The following PKHD1L1 variants were observed in gnomAD, a reference collection of about 807,000 sequenced individuals.
The protein encoded by PKHD1L1 is PKHD1 like 1.
A neutral mutation model predicts 462.9 loss-of-function variants in PKHD1L1; 434 were observed. That is an observed-to-expected ratio of 0.94 (90% CI 0.87 to 1.02). The LOEUF (loss-of-function observed/expected upper bound fraction) is 1.02. Among genes scored for constraint, PKHD1L1 ranks in the 50% least tolerant of loss-of-function variants. PKHD1L1 has a pLI of 0.00. For synonymous variants in PKHD1L1, 1,781 were observed against 1,750.0 expected, an observed-to-expected ratio of 1.02 and a Z score of -0.44; for missense variants, 5,202 against 5,096.1, an observed-to-expected ratio of 1.02 and a Z score of -0.63.
At chr8:109,375,558 T>C (rs1811771719) in intron 2 of PKHD1L1, among the ~76,000 whole-genome samples, 1 of 152,190 alleles carries the variant, frequency 6.6e-6, no homozygotes, top group Non-Finnish European at 1.5e-5. Context: ...CTGTGTTCCT[T>C]TGGAGGAGGA....
rs188156991 is a variant in PKHD1L1, at chr8:109,483,825, C to T, written c.9576+720C>T. 6.6e-5 allele frequency among the ~76,000 whole-genome samples: 10 copies of T among 151,530 alleles called. No individual in the cohort carries two copies. In the East Asian group the frequency reaches 1.9e-3, roughly 29 times the overall value. On this transcript the variant is annotated intron_variant, in intron 57 of 77. Transcript: ENST00000378402. ...TTGAAAAGAAAACAAATTCTGACAC[C>T]CAGTGACATCCAAATACTGCCTGTG...
chr8:109,374,154 C>G (rs1005945206), intron 2 of PKHD1L1, among the ~76,000 whole-genome samples: 2 of 152,166 alleles, frequency 1.3e-5, no homozygotes, highest in African/African-American at 4.8e-5. Context: ...CTTTAGGTCT[C>G]TCAGGACTTG....
intron 54 of PKHD1L1, 96 bp from the exon 55 acceptor site, chr8:109,479,895 C>A: frequency 8.4e-7 from 1 of 1,193,554 alleles, no homozygotes. Context: ...ATGTCATAAA[C>A]ACTCAAAACT....
At chr8:109,494,856 AG>A (rs1483395815) in intron 63 of PKHD1L1, among the ~76,000 whole-genome samples, 1 of 151,932 alleles carries the variant, frequency 6.6e-6, no homozygotes, top group Non-Finnish European at 1.5e-5. Flanking sequence ...AGATCAAAAA[AG>A]TAAAATACAT....
chr8:109,485,213 G>A lies in PKHD1L1; in HGVS notation c.9706+40G>A, dbSNP rs539112331. 4.9e-6 allele frequency: 7 copies of A among 1,430,988 alleles called. No homozygotes were observed. The East Asian group carries it at 1.4e-4, about 29-fold the overall frequency. 88.6% of individuals were successfully genotyped at this position (1,430,988 alleles called of 1,614,324 possible). A position where few individuals can be genotyped will look rare whatever the true frequency, so the allele number is the denominator to read the frequency against. Reference sequence around the variant, plus strand: ...TTTAACCAAATAGATATATAATTGTGTTGAAAGATTCACATTTACTCTGTA... The same window carrying A: ...TTTAACCAAATAGATATATAATTGTATTGAAAGATTCACATTTACTCTGTA... On this transcript the variant is annotated intron_variant, in intron 58 of 77. Transcript: ENST00000378402.
At chr8:109,419,661 TAA>T (rs967583983) in intron 22 of PKHD1L1, among the ~76,000 whole-genome samples, 12 of 152,260 alleles carry the variant, frequency 7.9e-5, no homozygotes, top group African/African-American at 2.4e-4. Context: ...TCCATAGACT[TAA>T]GAGTGATAAT....
chr8:109,510,305 T>C (rs777684826), intron 70 of PKHD1L1, among the ~76,000 whole-genome samples: 14 of 152,180 alleles, frequency 9.2e-5, no homozygotes, highest in Non-Finnish European at 1.5e-5. Flanking sequence ...CAGAGCCTAT[T>C]GTTAACAAAT....
intron 71 of PKHD1L1, among the ~76,000 whole-genome samples, chr8:109,514,114 C>T (rs1350892702): frequency 6.6e-6 from 1 of 152,152 alleles, no homozygotes; most frequent in African/African-American, 2.4e-5. Context: ...CCCCACTGAG[C>T]TCCTTGCTGT....
chr8:109,518,432 G>A lies in PKHD1L1; in HGVS notation c.11955G>A (p.Arg3985=), dbSNP rs776662278. The A allele has an allele frequency of 6.2e-6, 10 of 1,612,044 alleles. No individual in the cohort carries two copies. The highest frequency in any genetic ancestry group is 7.6e-6 in the Non-Finnish European group (9 of 1,179,578). Residue 3985 remains arginine, a synonymous_variant, in exon 73 of 78, where the codon AGG becomes AGA. Transcript: ENST00000378402. Reference sequence around the variant, plus strand: ...AAATAAGAGGGAAGAGTCTGAGGAGGAAGAGATCCATGGGATTCATAATTG... The same window carrying A: ...AAATAAGAGGGAAGAGTCTGAGGAGAAAGAGATCCATGGGATTCATAATTG... The part of the protein sequence containing the change: ...ISKIRGKSLR[R]KRSMGFIIEI...
intron 45 of PKHD1L1, among the ~76,000 whole-genome samples, chr8:109,455,267 G>A (rs994657237): frequency 3.3e-4 from 50 of 152,368 alleles, no homozygotes; most frequent in African/African-American, 1.2e-3. Flanking sequence ...GAACCCAGGA[G>A]ATGGTGGCTG....
rs780444997 is a variant in PKHD1L1 at position 109,420,055 on chromosome 8, C to G, written c.2525-463C>G. ...ATATTGTCGTTCATTAAATGATATT[C>G]ACTTAGAACCTACTATGTGTCAGGC... On this transcript the variant is annotated intron_variant, in intron 22 of 77. Transcript: ENST00000378402. 7.2e-5 allele frequency among the ~76,000 whole-genome samples: 11 copies of G among 152,180 alleles called. 2 individuals are homozygous for G. The Middle Eastern group carries it at 0.024, about 329-fold the overall frequency.
intron 17 of PKHD1L1, 81 bp from the exon 18 acceptor site, chr8:109,407,968 A>AAT (rs775520301): frequency 6.3e-6 from 6 of 945,450 alleles, no homozygotes; most frequent in East Asian, 8.0e-5. Flanking sequence ...GTGTCTATTA[A>AAT]ATATATATAA....
intron 4 of PKHD1L1, 115 bp from the exon 5 acceptor site, chr8:109,383,955 A>C (rs542836290): frequency 1.3e-6 from 1 of 759,444 alleles, no homozygotes; most frequent in South Asian, 1.5e-5. Context: ...TCTTTCCTAC[A>C]TGACAGTTAC....
At chr8:109,389,776 C>T (rs977972211) in intron 8 of PKHD1L1, among the ~76,000 whole-genome samples, 8 of 152,134 alleles carry the variant, frequency 5.3e-5, no homozygotes, top group African/African-American at 1.7e-4. Flanking sequence ...GATCCGCCCG[C>T]CTCAGCCTCC....
At chr8:109,507,527 T>C in intron 68 of PKHD1L1, 136 bp from the exon 69 acceptor site, 1 of 698,262 alleles carries the variant, frequency 1.4e-6, no homozygotes, top group Non-Finnish European at 2.4e-6. Flanking sequence ...CATAGGCTAC[T>C]TGGTCCCACT....
chr8:109,448,788 T>C (rs908685522), intron 39 of PKHD1L1, among the ~76,000 whole-genome samples: 2 of 152,102 alleles, frequency 1.3e-5, no homozygotes, highest in East Asian at 3.9e-4. Context: ...TGTATAATTA[T>C]TTATTTCAAA....
Position 109,452,713 on chromosome 8 carries a change from T to A in PKHD1L1, c.6508-5T>A. On this transcript the variant is annotated splice_region_variant and splice_polypyrimidine_tract_variant and intron_variant, in intron 42 of 77. Transcript: ENST00000378402. ...AATTTTAAGGTCTCTTATGTTCTAT[T>A]ACAGGATAATGCTGACTTTCTTTAT... 1 of 1,502,512 alleles carries A rather than the reference T, an allele frequency of 6.7e-7. No individual in the cohort carries two copies. The highest frequency in any genetic ancestry group is 8.8e-7 in the Non-Finnish European group (1 of 1,130,488). The allele number at this position is 1,502,512 out of a possible 1,614,324, so 93.1% of individuals were successfully genotyped here.
chr8:109,427,559 AC>A (rs1373378417), intron 25 of PKHD1L1, among the ~76,000 whole-genome samples: 4 of 152,116 alleles, frequency 2.6e-5, no homozygotes, highest in Non-Finnish European at 5.9e-5. Flanking sequence ...GGCCTTGGAT[AC>A]TTTTGTGGTT....
At position 109,477,189 on chromosome 8, in the gene PKHD1L1, C is replaced by A. The variant is rs112965031; in HGVS notation, c.8918-36C>A. On this transcript the variant is annotated intron_variant, in intron 52 of 77. Transcript: ENST00000378402. The stretch of plus-strand genomic sequence containing the variant: ...TGTTTACATTCAAGTACTTTGGTCA[C>A]TATGTTCATTTAACCCACTTTTACT... The A allele has an allele frequency of 3.0e-3, 4,815 of 1,607,448 alleles. 88 individuals are homozygous for A. The South Asian group carries it at 0.033, about 11-fold the overall frequency.
Sources: gnomAD v4.1 joint callset for allele counts (sites outside exome capture counted in the v4.1 genomes callset) on GRCh38, gnomAD v4.1.1 for gene constraint, MANE v1.5 for transcripts, NCBI Gene and HGNC (gene_info 2026-07-23, HGNC 2026-07-21) for gene names.